Variants in BCL2L11 observed in about 807,000 individuals in gnomAD.
BCL2L11 encodes BCL2 like 11, also known as bcl-2-like protein 11.
In BCL2L11, 15 loss-of-function variants were observed where a neutral mutation model predicts 20.6. The ratio of observed to expected loss-of-function variants is 0.73; its 90% CI spans 0.49 to 1.12. The LOEUF (loss-of-function observed/expected upper bound fraction) is 1.12, where lower values mean the gene tolerates loss of function less well. BCL2L11 is among the 50% of genes most tolerant of loss of function. The pLI is 0.00. For missense variants in BCL2L11, 292 were observed against 260.9 expected, an observed-to-expected ratio of 1.12 and a Z score of -0.82; for synonymous variants, 108 against 92.8, an observed-to-expected ratio of 1.16 and a Z score of -0.94.
At chr2:111,121,626 C>T (rs1257853394) in intron 1 of BCL2L11, among the ~76,000 whole-genome samples, 1 of 152,208 alleles carries the variant, frequency 6.6e-6, no homozygotes, top group African/African-American at 2.4e-5. Flanking sequence ...TGTTTCGTGT[C>T]TTGGTTTTTT....
In BCL2L11 at chr2:111,164,302, G is replaced by A. The variant is rs1266899356; in HGVS notation, c.*71G>A. On this transcript the variant is annotated 3_prime_UTR_variant, in exon 4 of 4. Coordinates refer to ENST00000393256, the MANE Select transcript of BCL2L11 (RefSeq NM_138621.5). ...TCAAACCAACAAGACCCAGCACCGCGGTCTCCTGGTGCCATTATTATGCAG... is the reference window on the plus strand; with the variant it reads ...TCAAACCAACAAGACCCAGCACCGCAGTCTCCTGGTGCCATTATTATGCAG... 19 of 1,145,120 alleles carry A rather than the reference G, an allele frequency of 1.7e-5. No homozygotes were observed. Among genetic ancestry groups the A allele is most frequent in the Middle Eastern group, 2.0e-4 (1 of 4,948 alleles). 70.9% of individuals were successfully genotyped at this position (1,145,120 alleles called of 1,614,324 possible). A position where few individuals can be genotyped will look rare whatever the true frequency, so the allele number is the denominator to read the frequency against.
At chr2:111,125,025 A>G (rs547789975) in intron 2 of BCL2L11, among the ~76,000 whole-genome samples, 1 of 152,346 alleles carries the variant, frequency 6.6e-6, no homozygotes, top group Admixed American at 6.5e-5. Flanking sequence ...GCCCACAGCA[A>G]AATCATGGAA....
chr2:111,136,984 A>C (rs2075004502), intron 2 of BCL2L11, among the ~76,000 whole-genome samples: 1 of 152,018 alleles, frequency 6.6e-6, no homozygotes, highest in Admixed American at 6.5e-5. Flanking sequence ...TATTGCTGTA[A>C]CTCCACTGTG....
At chr2:111,129,795 A>G (rs2073521066) in intron 2 of BCL2L11, among the ~76,000 whole-genome samples, 1 of 152,244 alleles carries the variant, frequency 6.6e-6, no homozygotes, top group Admixed American at 6.5e-5. Context: ...CTTACCCATG[A>G]TAACCACTCA....
At chr2:111,163,821 T>A (rs949460597) in intron 3 of BCL2L11, among the ~76,000 whole-genome samples, 3 of 152,004 alleles carry the variant, frequency 2.0e-5, no homozygotes, top group African/African-American at 7.2e-5. Context: ...AGATAGTTGC[T>A]TTACATCCTC....
At chr2:111,153,688 C>T (rs1349371137) in intron 3 of BCL2L11, 1 of 1,453,786 alleles carries the variant, frequency 6.9e-7, no homozygotes, top group Non-Finnish European at 9.4e-7. Flanking sequence ...TCTTTATTTG[C>T]TTAATGCTAT....
intron 3 of BCL2L11, among the ~76,000 whole-genome samples, chr2:111,157,603 C>G (rs2078022009): frequency 6.6e-6 from 1 of 152,136 alleles, no homozygotes; most frequent in Non-Finnish European, 1.5e-5. Context: ...TAGCCAGCAC[C>G]AGGTCTGGAG....
At position 111,123,335 on chromosome 2, in the gene BCL2L11, C is replaced by T. The variant is rs1343653788; in HGVS notation, c.-13-398C>T. 8.1e-6 allele frequency: 8 copies of T among 985,394 alleles called. No homozygotes were observed. The Admixed American group carries it at 4.3e-4, about 53-fold the overall frequency. 61.0% of individuals were successfully genotyped at this position (985,394 alleles called of 1,614,324 possible). Reference sequence around the variant, plus strand: ...GGCCAGCCGCCTGCAATCGCTGCATCTGCGCCCGCTCCTGTGCTCCGGCGT... The same window carrying T: ...GGCCAGCCGCCTGCAATCGCTGCATTTGCGCCCGCTCCTGTGCTCCGGCGT... On this transcript the variant is annotated intron_variant, in intron 1 of 3. Coordinates refer to ENST00000393256, the MANE Select transcript of BCL2L11 (RefSeq NM_138621.5).
In BCL2L11 at chr2:111,124,150, C is replaced by T. The variant is rs749854020; in HGVS notation, c.394+11C>T. 7.0e-5 allele frequency: 111 copies of T among 1,593,902 alleles called. No individual in the cohort carries two copies. Among genetic ancestry groups the T allele is most frequent in the Non-Finnish European group, 5.6e-5 (66 of 1,169,656 alleles). On this transcript the variant is annotated intron_variant, in intron 2 of 3. Transcript: ENST00000393256. ...ATCTCAGTGCAATGGGTAAGCAATGCCTGGGTAAGAGGCAGTTGACGTGTG... is the reference window on the plus strand; with the variant it reads ...ATCTCAGTGCAATGGGTAAGCAATGTCTGGGTAAGAGGCAGTTGACGTGTG...
intron 3 of BCL2L11, among the ~76,000 whole-genome samples, chr2:111,152,731 C>T (rs530790722): frequency 6.6e-6 from 1 of 152,336 alleles, no homozygotes; most frequent in Admixed American, 6.5e-5. Context: ...ATAGCAGCAC[C>T]TAACAGGTTC....
rs1190184375 is a variant in BCL2L11, at chr2:111,161,269, A to G, written c.499-2864A>G. 7 of 983,438 alleles carry G rather than the reference A, an allele frequency of 7.1e-6. No individual in the cohort carries two copies. In the Admixed American group the frequency reaches 1.4e-4, roughly 20 times the overall value. 60.9% of individuals were successfully genotyped at this position (983,438 alleles called of 1,614,324 possible). On this transcript the variant is annotated intron_variant, in intron 3 of 3. Coordinates refer to ENST00000393256, the MANE Select transcript of BCL2L11 (RefSeq NM_138621.5). Reference sequence around the variant, plus strand: ...TCAGCCCATAAAGAGGAAGATACCCAGAAGTTTCAGGAGGGAGTGGAGCAT... The same window carrying G: ...TCAGCCCATAAAGAGGAAGATACCCGGAAGTTTCAGGAGGGAGTGGAGCAT...
rs561360547 is a variant in BCL2L11, at chr2:111,126,266, G to A, written c.394+2127G>A. On this transcript the variant is annotated intron_variant, in intron 2 of 3. Transcript: ENST00000393256. ...ATTTTACAAGCTAATTATAAGTTAA[G>A]CACTGTTACTTGAGATGAAATATAC... Among the ~76,000 whole-genome samples the A allele has an allele frequency of 2.0e-5, 3 of 152,206 alleles. No individual in the cohort carries two copies. In the South Asian group the frequency reaches 6.2e-4, roughly 32 times the overall value.
rs2078921842 is a variant in BCL2L11 at position 111,164,300 on chromosome 2, G to A, written c.*69G>A. Reference sequence around the variant, plus strand: ...GTTCAAACCAACAAGACCCAGCACCGCGGTCTCCTGGTGCCATTATTATGC... The same window carrying A: ...GTTCAAACCAACAAGACCCAGCACCACGGTCTCCTGGTGCCATTATTATGC... On this transcript the variant is annotated 3_prime_UTR_variant, in exon 4 of 4. Coordinates refer to ENST00000393256, the MANE Select transcript of BCL2L11 (RefSeq NM_138621.5). 9.4e-6 allele frequency: 11 copies of A among 1,172,264 alleles called. No individual in the cohort carries two copies. Among genetic ancestry groups the A allele is most frequent in the South Asian group, 6.1e-5 (5 of 81,926 alleles). The allele number at this position is 1,172,264 out of a possible 1,614,324, so 72.6% of individuals were successfully genotyped here. A position where few individuals can be genotyped will look rare whatever the true frequency, so the allele number is the denominator to read the frequency against.
chr2:111,141,700 GT>G (rs113902453), intron 2 of BCL2L11, among the ~76,000 whole-genome samples: 77,979 of 138,122 alleles, frequency 0.56, 22,522 homozygotes, highest in African/African-American at 0.78. Context: ...ATTCTTGTGA[GT>G]TTTTTTTTTT....
intron 2 of BCL2L11, among the ~76,000 whole-genome samples, chr2:111,139,758 T>C (rs1018560734): frequency 3.3e-5 from 5 of 152,232 alleles, no homozygotes; most frequent in African/African-American, 7.2e-5. Context: ...AAGTATTTGC[T>C]TAGAATGAAT....
chr2:111,128,772 C>T (rs1285001979), intron 2 of BCL2L11: 2 of 1,540,290 alleles, frequency 1.3e-6, no homozygotes, highest in African/African-American at 1.4e-5. Flanking sequence ...TAGCCACAGC[C>T]ACCTCTCTCC....
intron 3 of BCL2L11, among the ~76,000 whole-genome samples, chr2:111,151,327 C>T (rs569892618): frequency 6.6e-6 from 1 of 152,316 alleles, no homozygotes; most frequent in Middle Eastern, 3.4e-3. Context: ...TACTTGTTCA[C>T]AGAGTTTTAA....
chr2:111,147,127 T>C (rs966267198), intron 2 of BCL2L11, among the ~76,000 whole-genome samples: 1 of 152,190 alleles, frequency 6.6e-6, no homozygotes, highest in African/African-American at 2.4e-5. Flanking sequence ...ACTAATGTAG[T>C]TATTGCCAAT....
intron 3 of BCL2L11, among the ~76,000 whole-genome samples, chr2:111,156,661 A>C (rs2077898545): frequency 6.6e-6 from 1 of 152,182 alleles, no homozygotes; most frequent in Non-Finnish European, 1.5e-5. Flanking sequence ...CGTTGAAGCC[A>C]GAGTGTGATC....
Sources: gnomAD v4.1 joint callset for allele counts (sites outside exome capture counted in the v4.1 genomes callset) on GRCh38, gnomAD v4.1.1 for gene constraint, MANE v1.5 for transcripts, NCBI Gene and HGNC (gene_info 2026-07-23, HGNC 2026-07-21) for gene names.